MYB: variants seen among roughly 807,000 people sequenced by gnomAD.
The protein encoded by MYB is MYB proto-oncogene, transcription factor.
Under a neutral mutation model 92.9 loss-of-function variants are expected in MYB, and 28 were observed. The ratio of observed to expected loss-of-function variants is 0.30; its 90% CI spans 0.22 to 0.41. The LOEUF is 0.41. Ranked by LOEUF, MYB falls within the 10% of genes least tolerant of loss-of-function variation. The pLI, the probability that MYB is intolerant of heterozygous loss-of-function variation, is 1.00. For synonymous variants in MYB, 295 were observed against 329.1 expected (o/e 0.90, Z 1.12); for missense variants, 679 against 929.3 (o/e 0.73, Z 3.50).
chr6:135,204,960 G>A (rs1268712328), intron 15 of MYB, among the ~76,000 whole-genome samples: 1 of 152,058 alleles, frequency 6.6e-6, no homozygotes, highest in East Asian at 1.9e-4. Flanking sequence ...CCAGCTACTC[G>A]GGAGGCTGAG....
intron 15 of MYB, among the ~76,000 whole-genome samples, chr6:135,212,224 C>CTTTTT (rs545704827): frequency 0.033 from 1,097 of 32,928 alleles, 15 homozygotes; most frequent in Non-Finnish European, 0.037. Context: ...TTTGGTTTTA[C>CTTTTT]TTTTTTTTTT....
intron 15 of MYB, among the ~76,000 whole-genome samples, chr6:135,215,346 C>T (rs907904797): frequency 2.6e-5 from 4 of 152,212 alleles, no homozygotes; most frequent in African/African-American, 9.6e-5. Context: ...TTCCCAGGTT[C>T]CTTTTATTGT....
chr6:135,200,935 T>G (rs973585779), intron 13 of MYB, among the ~76,000 whole-genome samples: 7 of 151,920 alleles, frequency 4.6e-5, no homozygotes, highest in African/African-American at 1.7e-4. Context: ...AAAAATTAGC[T>G]GGGTTTGGTG....
At chr6:135,193,814 C>T (rs767072325) in intron 6 of MYB, 24 bp from the exon 7 acceptor site, 3 of 1,567,792 alleles carry the variant, frequency 1.9e-6, no homozygotes, top group East Asian at 2.2e-5. Context: ...ATGACGTGGC[C>T]TTTGTTTTGT....
intron 10 of MYB, 142 bp from the exon 11 acceptor site, chr6:135,198,766 A>C (rs576010878): frequency 1.4e-5 from 9 of 650,898 alleles, no homozygotes; most frequent in Middle Eastern, 3.9e-4. Flanking sequence ...ACCCTAGTCA[A>C]TATAACATGC....
intron 15 of MYB, among the ~76,000 whole-genome samples, chr6:135,215,898 T>C (rs1260935694): frequency 6.6e-6 from 1 of 152,160 alleles, no homozygotes; most frequent in Admixed American, 6.5e-5. Context: ...TTCACCTGTG[T>C]CCATTCTGTC....
intron 15 of MYB, among the ~76,000 whole-genome samples, chr6:135,206,364 C>A (rs550197758): frequency 1.3e-5 from 2 of 151,490 alleles, no homozygotes; most frequent in African/African-American, 4.9e-5. Context: ...TACCCCTGCA[C>A]TCTAGCCTGG....
At chr6:135,207,514 AT>A (rs1013735573) in intron 15 of MYB, among the ~76,000 whole-genome samples, 1 of 152,166 alleles carries the variant, frequency 6.6e-6, no homozygotes, top group Non-Finnish European at 1.5e-5. Context: ...AATTATTACT[AT>A]TTTTGAGGCC....
rs937636815 is a variant in MYB, at chr6:135,182,437, C to T, written c.23+901C>T. 6.6e-6 allele frequency among the ~76,000 whole-genome samples: 1 copy of T among 152,166 alleles called. No individual in the cohort carries two copies. Among genetic ancestry groups the T allele is most frequent in the Non-Finnish European group, 1.5e-5 (1 of 68,016 alleles). ...GTGCCAGGGCTAGCTCGGCAGCCGT[C>T]GCAGTCGCCACTCGGCTCAAGGGGA... On this transcript the variant is annotated intron_variant, in intron 1 of 15. Transcript: ENST00000341911. The surrounding 1 kb of genome is among the most constrained non-coding windows in gnomAD (Gnocchi z 5.6).
intron 10 of MYB, among the ~76,000 whole-genome samples, chr6:135,198,559 TTATTAAC>T (rs1290735777): frequency 6.6e-6 from 1 of 152,260 alleles, no homozygotes; most frequent in Admixed American, 6.5e-5. Flanking sequence ...AAACTATTAA[TTATTAAC>T]TATTATTTTC....
chr6:135,203,088 G>T, intron 14 of MYB, 129 bp from the exon 15 acceptor site: 1 of 729,566 alleles, frequency 1.4e-6, no homozygotes, highest in African/African-American at 1.7e-5. Context: ...AGAATTTCTG[G>T]CAGATGACTG....
rs758687893 is a variant in MYB, at chr6:135,192,580, A to G, written c.762+22A>G. 17 of 1,600,132 alleles carry G rather than the reference A, an allele frequency of 1.1e-5. No individual in the cohort carries two copies. The Admixed American group carries it at 2.7e-4, about 25-fold the overall frequency. On this transcript the variant is annotated intron_variant, in intron 6 of 15. Transcript: ENST00000341911. ...AAATGTAAGCCATTCCTGTGAATCT[A>G]GTTTAATGAGAGAGACGGTTAGTTT...
At chr6:135,199,125 T>A in intron 11 of MYB, 75 bp downstream of exon 11, 1 of 1,225,786 alleles carries the variant, frequency 8.2e-7, no homozygotes. Flanking sequence ...AGTTCCCAGA[T>A]GTCTGATCCA....
At chr6:135,194,179 CT>C (rs1291347711) in intron 7 of MYB, among the ~76,000 whole-genome samples, 176 bp from the exon 8 acceptor site, 1 of 152,174 alleles carries the variant, frequency 6.6e-6, no homozygotes, top group African/African-American at 2.4e-5. Flanking sequence ...ACATCACTCC[CT>C]TAAGTCTGAA....
At chr6:135,187,202 G>A (rs1776035704) in intron 2 of MYB, among the ~76,000 whole-genome samples, 1 of 152,210 alleles carries the variant, frequency 6.6e-6, no homozygotes, top group Admixed American at 6.5e-5. Flanking sequence ...AGCTGGAAAT[G>A]TTTAATGTCT....
chr6:135,194,107 AT>A (rs1257655939), intron 7 of MYB, among the ~76,000 whole-genome samples, 189 bp downstream of exon 7: 3 of 152,186 alleles, frequency 2.0e-5, no homozygotes, highest in African/African-American at 7.2e-5. Flanking sequence ...GAATTTTCTG[AT>A]TCTTTGATGT....
At chr6:135,203,376 T>C in intron 15 of MYB, 52 bp downstream of exon 15, 1 of 1,407,426 alleles carries the variant, frequency 7.1e-7, no homozygotes, top group Non-Finnish European at 9.9e-7. Flanking sequence ...TGAAAAACTG[T>C]CATCTTTGGT....
intron 15 of MYB, chr6:135,204,007 A>G (rs1778506843): frequency 1.5e-6 from 1 of 649,056 alleles, no homozygotes; most frequent in Admixed American, 4.9e-5. Flanking sequence ...AGTTTCTGAC[A>G]TTAAATAGCC....
At chr6:135,201,895 A>G (rs1169741105) in intron 14 of MYB, 146 bp downstream of exon 14, 3 of 423,316 alleles carry the variant, frequency 7.1e-6, no homozygotes, top group African/African-American at 4.1e-5. Context: ...TGATTTTTAA[A>G]AAATGATTAT....
Sources: gnomAD v4.1 joint callset for allele counts (sites outside exome capture counted in the v4.1 genomes callset) on GRCh38, gnomAD v4.1.1 for gene constraint, Gnocchi (gnomAD v3.1) non-coding constraint, MANE v1.5 for transcripts, NCBI Gene and HGNC (gene_info 2026-07-23, HGNC 2026-07-21) for gene names.